The following WASF3 variants were observed in gnomAD, a reference collection of about 807,000 sequenced individuals.
The protein encoded by WASF3 is WASP family member 3.
In WASF3, 11 loss-of-function variants were observed where a neutral mutation model predicts 46.6. That is an observed-to-expected ratio of 0.24 (90% CI 0.15 to 0.39). The LOEUF is 0.39. Ranked by LOEUF, WASF3 falls within the 10% of genes least tolerant of loss-of-function variation. WASF3 has a pLI of 1.00. For missense variants in WASF3, 576 were observed against 669.8 expected, an observed-to-expected ratio of 0.86 and a Z score of 1.55; for synonymous variants, 242 against 259.7, an observed-to-expected ratio of 0.93 and a Z score of 0.65.
intron 6 of WASF3, 93 bp from the exon 7 acceptor site, chr13:26,676,456 A>G (rs940666769): frequency 1.9e-5 from 26 of 1,372,628 alleles, no homozygotes; most frequent in Non-Finnish European, 2.6e-5. Context: ...TCTGTTCATC[A>G]GGCATGGGCC....
chr13:26,602,960 C>T (rs947537146), intron 1 of WASF3, among the ~76,000 whole-genome samples: 3 of 152,244 alleles, frequency 2.0e-5, no homozygotes, highest in East Asian at 1.9e-4. Flanking sequence ...TGATCTAACC[C>T]GTTGGTATCC....
At chr13:26,587,122 AAAGG>A (rs1198933305) in intron 1 of WASF3, among the ~76,000 whole-genome samples, 7 of 149,848 alleles carry the variant, frequency 4.7e-5, no homozygotes, top group Non-Finnish European at 8.9e-5. Flanking sequence ...AAAAAAAAAA[AAAGG>A]AAGAAGAATC....
chr13:26,685,087 CAA>C (rs57659738), intron 9 of WASF3, among the ~76,000 whole-genome samples: 89,852 of 134,460 alleles, frequency 0.67, 28,667 homozygotes, highest in African/African-American at 0.78. Flanking sequence ...GACCCAATCT[CAA>C]AAAAAAAAAA....
chr13:26,580,276 A>AGG (rs1879937591), intron 1 of WASF3, among the ~76,000 whole-genome samples: 1 of 152,208 alleles, frequency 6.6e-6, no homozygotes, highest in Non-Finnish European at 1.5e-5. Context: ...GAATCTTATT[A>AGG]ATATGAATAC....
chr13:26,575,215 C>T (rs1047419813), intron 1 of WASF3, among the ~76,000 whole-genome samples: 1 of 152,134 alleles, frequency 6.6e-6, no homozygotes, highest in Non-Finnish European at 1.5e-5. Flanking sequence ...CTCATCTGTT[C>T]ACGATACAAT....
the WASF3 span, among the ~76,000 whole-genome samples, chr13:26,544,386 T>C: frequency 6.6e-6 from 1 of 152,310 alleles, no homozygotes; most frequent in African/African-American, 2.4e-5. Flanking sequence ...GAGTATGGAA[T>C]GTTGATGGGC....
chr13:26,605,603 G>T (rs1042829793), intron 1 of WASF3, among the ~76,000 whole-genome samples: 1 of 152,178 alleles, frequency 6.6e-6, no homozygotes, highest in Non-Finnish European at 1.5e-5. Context: ...AAAAGAAAAA[G>T]ATTTGTCACA....
the WASF3 span, among the ~76,000 whole-genome samples, chr13:26,550,638 C>T: frequency 6.6e-6 from 1 of 152,192 alleles, no homozygotes. Context: ...TCCCAAGGTT[C>T]TGGGGTCCAA....
At chr13:26,588,236 G>C (rs1186956701) in intron 1 of WASF3, among the ~76,000 whole-genome samples, 1 of 152,236 alleles carries the variant, frequency 6.6e-6, no homozygotes, top group Non-Finnish European at 1.5e-5. Context: ...ACCCTAGAGT[G>C]TAAGTCTGAA....
intron 5 of WASF3, among the ~76,000 whole-genome samples, 168 bp downstream of exon 5, chr13:26,667,838 T>C (rs1471832479): frequency 6.6e-6 from 1 of 152,250 alleles, no homozygotes; most frequent in African/African-American, 2.4e-5. Flanking sequence ...ACAATGAAAC[T>C]ACTCATTGGT....
Position 26,688,560 on chromosome 13 carries a change from A to G in WASF3, c.*2715A>G, listed in dbSNP as rs927472299. The G allele has an allele frequency of 6.6e-6, 1 of 152,268 alleles. No individual in the cohort carries two copies. Among genetic ancestry groups the G allele is most frequent in the Non-Finnish European group, 1.5e-5 (1 of 68,036 alleles). The allele number at this position is 152,268 out of a possible 1,614,324, so 9.4% of individuals were successfully genotyped here. A position where few individuals can be genotyped will look rare whatever the true frequency, so the allele number is the denominator to read the frequency against. The stretch of plus-strand genomic sequence containing the variant: ...AGCCCCAGACCGTAAGCTTGGCTAC[A>G]CTGATGTTTTTCTTTACTAAGGATA... On this transcript the variant is annotated 3_prime_UTR_variant, in exon 10 of 10. Transcript: ENST00000335327.
At chr13:26,576,297 C>A (rs1593374942) in intron 1 of WASF3, among the ~76,000 whole-genome samples, 1 of 151,914 alleles carries the variant, frequency 6.6e-6, no homozygotes, top group Non-Finnish European at 1.5e-5. Flanking sequence ...TTGTTTCTTT[C>A]CTGGGTTCAA....
the WASF3 span, among the ~76,000 whole-genome samples, chr13:26,549,910 G>T: frequency 6.6e-6 from 1 of 152,102 alleles, no homozygotes; most frequent in Admixed American, 6.5e-5. Context: ...CCAAAAGCCC[G>T]GGTGGCTTAT....
the WASF3 span, among the ~76,000 whole-genome samples, chr13:26,545,923 T>C: frequency 1.3e-5 from 2 of 152,228 alleles, no homozygotes; most frequent in Non-Finnish European, 1.5e-5. Flanking sequence ...TTTTTAAACA[T>C]GTTTTGGCTT....
chr13:26,624,115 C>A (rs144002367), intron 2 of WASF3, among the ~76,000 whole-genome samples: 1 of 152,158 alleles, frequency 6.6e-6, no homozygotes, highest in East Asian at 1.9e-4. Flanking sequence ...GAAAGAATGA[C>A]GTGTTGTAAA....
At chr13:26,574,233 A>G (rs919423082) in intron 1 of WASF3, among the ~76,000 whole-genome samples, 2 of 152,214 alleles carry the variant, frequency 1.3e-5, no homozygotes, top group Non-Finnish European at 2.9e-5. Context: ...CTATATATAC[A>G]GAACAACTAC....
chr13:26,620,327 T>C (rs1408617033), intron 2 of WASF3, among the ~76,000 whole-genome samples: 1 of 152,162 alleles, frequency 6.6e-6, no homozygotes, highest in African/African-American at 2.4e-5. Flanking sequence ...AAATGTATTC[T>C]TGAATCCCAC....
rs79552522 is a variant in WASF3 at position 26,668,494 on chromosome 13, T to C, written c.422+824T>C. Among the ~76,000 whole-genome samples, 814 of 152,376 alleles carry C rather than the reference T, an allele frequency of 5.3e-3. 11 individuals are homozygous for C. The highest frequency in any genetic ancestry group is 0.019 in the African/African-American group (778 of 41,600). Reference sequence around the variant, plus strand: ...CCCCGGGCCAGCTCTCTGGTGATTCTCCTGTGAGAACCTTCCAGGAGCCTG... The same window carrying C: ...CCCCGGGCCAGCTCTCTGGTGATTCCCCTGTGAGAACCTTCCAGGAGCCTG... On this transcript the variant is annotated intron_variant, in intron 5 of 9. Coordinates refer to ENST00000335327, the MANE Select transcript of WASF3 (RefSeq NM_006646.6).
intron 1 of WASF3, among the ~76,000 whole-genome samples, chr13:26,602,866 A>G (rs1458440330): frequency 2.0e-5 from 3 of 152,192 alleles, no homozygotes; most frequent in Admixed American, 2.0e-4. Flanking sequence ...TCGTGCACTT[A>G]TGTCATGATT....
Sources: allele counts gnomAD v4.1 joint callset (sites outside exome capture counted in the v4.1 genomes callset), GRCh38; gene constraint gnomAD v4.1.1; transcripts MANE v1.5; gene names NCBI Gene and HGNC (gene_info 2026-07-23, HGNC 2026-07-21).